Variants in USP3 observed in about 807,000 individuals in gnomAD.
USP3 encodes the protein ubiquitin specific peptidase 3, also known as ubiquitin carboxyl-terminal hydrolase 3.
Under a neutral mutation model 72.3 loss-of-function variants are expected in USP3, and 20 were observed. That is an observed-to-expected ratio of 0.28 (90% CI 0.19 to 0.40). The LOEUF is 0.40. Ranked by LOEUF, USP3 falls within the 10% of genes least tolerant of loss-of-function variation. The probability of loss-of-function intolerance (pLI) is 1.00; values close to 1 mark genes in which losing one functional copy is unlikely to be tolerated. For synonymous variants in USP3, 222 were observed against 225.3 expected, an observed-to-expected ratio of 0.99 and a Z score of 0.13; for missense variants, 479 against 633.9, an observed-to-expected ratio of 0.76 and a Z score of 2.62.
intron 1 of USP3, among the ~76,000 whole-genome samples, chr15:63,516,256 G>C (rs1283392287): frequency 1.3e-5 from 2 of 152,132 alleles, no homozygotes; most frequent in African/African-American, 2.4e-5. Flanking sequence ...TAATCTCCAA[G>C]CACTAACTCT....
intron 7 of USP3, 59 bp from the exon 8 acceptor site, chr15:63,562,836 C>A: frequency 9.0e-7 from 1 of 1,105,858 alleles, no homozygotes; most frequent in Non-Finnish European, 1.3e-6. Context: ...TGGGTGGACG[C>A]TGTGTTGAAA....
intron 4 of USP3, 49 bp from the exon 5 acceptor site, chr15:63,556,618 A>G (rs531314486): frequency 6.8e-6 from 9 of 1,326,320 alleles, no homozygotes; most frequent in South Asian, 5.2e-5. Context: ...CCTGTGGTGT[A>G]GCATGCATAT....
Position 63,588,490 on chromosome 15 carries a change from C to A in USP3, c.1215+67C>A. 1 of 1,198,614 alleles carries A rather than the reference C, an allele frequency of 8.3e-7. No homozygotes were observed. The highest frequency in any genetic ancestry group is 1.2e-6 in the Non-Finnish European group (1 of 831,108). 74.2% of individuals were successfully genotyped at this position (1,198,614 alleles called of 1,614,324 possible). A position where few individuals can be genotyped will look rare whatever the true frequency, so the allele number is the denominator to read the frequency against. On this transcript the variant is annotated intron_variant, in intron 12 of 14. Coordinates refer to ENST00000380324, the MANE Select transcript of USP3 (RefSeq NM_006537.4). The surrounding 1 kb of genome is among the most constrained non-coding windows in gnomAD (Gnocchi z 4.6). ...AAGTGCTTGACTGCTAAGACCATGT[C>A]TATAACTTTACACTATGTGAACTGT...
At chr15:63,536,410 C>T (rs1430195129) in intron 2 of USP3, among the ~76,000 whole-genome samples, 1 of 149,300 alleles carries the variant, frequency 6.7e-6, no homozygotes, top group Non-Finnish European at 1.5e-5. Context: ...CTTAACAGAG[C>T]TTGTCTTTGA....
intron 3 of USP3, among the ~76,000 whole-genome samples, chr15:63,541,457 A>G (rs1230030568): frequency 6.6e-6 from 1 of 152,182 alleles, no homozygotes; most frequent in East Asian, 1.9e-4. Context: ...ATTAGACAAC[A>G]GGGAGAGTTT....
At chr15:63,560,742 C>T (rs1567116196) in intron 7 of USP3, among the ~76,000 whole-genome samples, 1 of 152,156 alleles carries the variant, frequency 6.6e-6, no homozygotes, top group Non-Finnish European at 1.5e-5. Flanking sequence ...CCTGTATCCT[C>T]ATTTGGTGTA....
At position 63,588,502 on chromosome 15, in the gene USP3, A is replaced by C. The variant is rs1457552360; in HGVS notation, c.1215+79A>C. On this transcript the variant is annotated intron_variant, in intron 12 of 14. Coordinates refer to ENST00000380324, the MANE Select transcript of USP3 (RefSeq NM_006537.4). This position sits in a 1 kb window ranked among gnomAD's most constrained non-coding sequence, Gnocchi z 4.6. ...GCTAAGACCATGTCTATAACTTTACACTATGTGAACTGTTCTGTATTTTTC... is the reference window on the plus strand; with the variant it reads ...GCTAAGACCATGTCTATAACTTTACCCTATGTGAACTGTTCTGTATTTTTC... 7 of 1,096,910 alleles carry C rather than the reference A, an allele frequency of 6.4e-6. No homozygotes were observed. Among genetic ancestry groups the C allele is most frequent in the Non-Finnish European group, 9.4e-6 (7 of 744,942 alleles). 67.9% of individuals were successfully genotyped at this position (1,096,910 alleles called of 1,614,324 possible). A position where few individuals can be genotyped will look rare whatever the true frequency, so the allele number is the denominator to read the frequency against.
chr15:63,575,494 C>A (rs2066848612), intron 11 of USP3, among the ~76,000 whole-genome samples: 1 of 152,162 alleles, frequency 6.6e-6, no homozygotes, highest in Non-Finnish European at 1.5e-5. Flanking sequence ...CAGGTCGTTT[C>A]TAGAAATCTG....
chr15:63,538,119 A>G (rs1440391337), intron 3 of USP3, among the ~76,000 whole-genome samples: 4 of 152,032 alleles, frequency 2.6e-5, no homozygotes, highest in Admixed American at 1.3e-4. Context: ...ACTTAGAACT[A>G]GGTTATTTAG....
At chr15:63,545,745 G>A (rs895335227) in intron 3 of USP3, among the ~76,000 whole-genome samples, 26 of 151,846 alleles carry the variant, frequency 1.7e-4, no homozygotes, top group African/African-American at 5.1e-4. Context: ...TAAGGCGGGC[G>A]GATGGCTTTG....
chr15:63,563,046 T>A (rs2066632760), intron 8 of USP3, 38 bp downstream of exon 8: 2 of 1,401,096 alleles, frequency 1.4e-6, no homozygotes, highest in Non-Finnish European at 2.0e-6. Context: ...ACATTAATAT[T>A]AGTGTTTATA....
chr15:63,551,957 A>G (rs2152669221), intron 3 of USP3: 1 of 152,238 alleles, frequency 6.6e-6, no homozygotes, highest in East Asian at 1.9e-4. Flanking sequence ...TTCATGTTAT[A>G]CCAGAAAGGA....
intron 3 of USP3, among the ~76,000 whole-genome samples, chr15:63,543,299 T>TA (rs200822538): frequency 2.4e-4 from 36 of 148,286 alleles, no homozygotes; most frequent in East Asian, 1.2e-3. Context: ...TGAACAACAT[T>TA]AAAAAAAAAA....
At chr15:63,565,648 A>G (rs993223545) in intron 8 of USP3, among the ~76,000 whole-genome samples, 1 of 152,042 alleles carries the variant, frequency 6.6e-6, no homozygotes, top group Non-Finnish European at 1.5e-5. Context: ...GTGTGTGTTT[A>G]TGTCATTTTT....
At chr15:63,579,756 T>C (rs572106027) in intron 11 of USP3, among the ~76,000 whole-genome samples, 1 of 152,238 alleles carries the variant, frequency 6.6e-6, no homozygotes, top group East Asian at 1.9e-4. Context: ...GAGACAAATA[T>C]TTGGACATAT....
At chr15:63,525,481 G>T (rs543813104) in intron 1 of USP3, among the ~76,000 whole-genome samples, 1 of 152,316 alleles carries the variant, frequency 6.6e-6, no homozygotes, top group South Asian at 2.1e-4. Context: ...CACTGATTTT[G>T]GCTGCCCTCG....
intron 1 of USP3, among the ~76,000 whole-genome samples, chr15:63,527,228 G>A (rs55848327): frequency 0.73 from 111,083 of 152,070 alleles, 42,029 homozygotes; most frequent in Middle Eastern, 0.79. Context: ...ATTTAGAGGG[G>A]ACATGATCAT....
At chr15:63,515,453 CTG>C (rs2065838832) in intron 1 of USP3, 1 of 152,270 alleles carries the variant, frequency 6.6e-6, no homozygotes, top group African/African-American at 2.4e-5. Context: ...GAATTTGCCT[CTG>C]TGTGGGAAGT....
In USP3 at chr15:63,545,666, T is replaced by C. The variant is rs2066310199; in HGVS notation, c.285-8049T>C. Among the ~76,000 whole-genome samples, 3 of 152,066 alleles carry C rather than the reference T, an allele frequency of 2.0e-5. No individual in the cohort carries two copies. The South Asian group carries it at 6.2e-4, about 32-fold the overall frequency. Reference sequence around the variant, plus strand: ...TAGTCCTTATCTGACAAAAAGTCCGTCAGAAGTAGAGCTTATCTTTAGGCC... The same window carrying C: ...TAGTCCTTATCTGACAAAAAGTCCGCCAGAAGTAGAGCTTATCTTTAGGCC... On this transcript the variant is annotated intron_variant, in intron 3 of 14. Coordinates refer to ENST00000380324, the MANE Select transcript of USP3 (RefSeq NM_006537.4).
Sources: allele counts gnomAD v4.1 joint callset (sites outside exome capture counted in the v4.1 genomes callset), GRCh38; gene constraint gnomAD v4.1.1; non-coding constraint Gnocchi (gnomAD v3.1); transcripts MANE v1.5; gene names NCBI Gene and HGNC (gene_info 2026-07-23, HGNC 2026-07-21).